Variants in REV3L observed in about 807,000 individuals in gnomAD.
The protein encoded by REV3L is DNA polymerase zeta catalytic subunit.
Under a neutral mutation model 299.4 loss-of-function variants are expected in REV3L, and 69 were observed. The ratio of observed to expected loss-of-function variants is 0.23; its 90% CI spans 0.19 to 0.28. REV3L has a LOEUF of 0.28. Among genes scored for constraint, REV3L ranks in the 10% least tolerant of loss-of-function variants. REV3L has a pLI of 1.00. For synonymous variants in REV3L, 1,238 were observed against 1,271.4 expected (o/e 0.97, Z 0.56); for missense variants, 3,128 against 3,693.8 (o/e 0.85, Z 3.97).
At chr6:111,427,833 C>T (rs536740733) in intron 1 of REV3L, among the ~76,000 whole-genome samples, 108 of 152,052 alleles carry the variant, frequency 7.1e-4, no homozygotes, top group African/African-American at 2.3e-3. Flanking sequence ...GAGAAGAGGT[C>T]GGAGGTGGGA....
At chr6:111,398,727 G>A (rs539961235) in intron 4 of REV3L, among the ~76,000 whole-genome samples, 1 of 152,096 alleles carries the variant, frequency 6.6e-6, no homozygotes, top group East Asian at 1.9e-4. Flanking sequence ...ACTGTAATGT[G>A]CCTGAGATAA....
At chr6:111,428,814 C>T (rs1237139877) in intron 1 of REV3L, among the ~76,000 whole-genome samples, 1 of 151,954 alleles carries the variant, frequency 6.6e-6, no homozygotes, top group East Asian at 1.9e-4. Flanking sequence ...GGGCAAAAAG[C>T]TTATTTCAAG....
intron 1 of REV3L, among the ~76,000 whole-genome samples, chr6:111,433,480 C>T (rs895216495): frequency 6.6e-6 from 1 of 152,052 alleles, no homozygotes; most frequent in Non-Finnish European, 1.5e-5. Context: ...GGATAATTTC[C>T]TGGACACAGC....
At chr6:111,339,871 A>G (rs1776309268) in intron 21 of REV3L, among the ~76,000 whole-genome samples, 1 of 152,166 alleles carries the variant, frequency 6.6e-6, no homozygotes, top group Non-Finnish European at 1.5e-5. Context: ...AAAGGAGAAG[A>G]TTGACTTTTG....
intron 20 of REV3L, 71 bp from the exon 21 acceptor site, chr6:111,344,114 C>G: frequency 1.1e-6 from 1 of 935,392 alleles, no homozygotes; most frequent in Non-Finnish European, 1.6e-6. Flanking sequence ...CTAAAAGATA[C>G]CAATATCACT....
At chr6:111,403,462 G>A (rs925467773) in intron 4 of REV3L, among the ~76,000 whole-genome samples, 9 of 152,166 alleles carry the variant, frequency 5.9e-5, no homozygotes, top group Admixed American at 6.5e-5. Flanking sequence ...AAGAGCATGT[G>A]TTCATTTTGT....
At position 111,305,663 on chromosome 6, in the gene REV3L, C is replaced by G. The variant is rs183934287; in HGVS notation, c.9252+1698G>C. 1.1e-4 allele frequency among the ~76,000 whole-genome samples: 17 copies of G among 151,826 alleles called. No homozygotes were observed. The East Asian group carries it at 2.9e-3, about 26-fold the overall frequency. ...ACCTAATGTTGAAGGAGGATGGGCT[C>G]TGGGTAAATTGATGGCACCAAGTAG... On this transcript the variant is annotated intron_variant, in intron 31 of 31. Coordinates refer to ENST00000368802, the MANE Select transcript of REV3L (RefSeq NM_001372078.1).
In REV3L at chr6:111,374,696, G is replaced by A. The variant is rs3218600; in HGVS notation, c.3659C>T (p.Ser1220Leu). 46,716 of 1,612,640 alleles carry A rather than the reference G, an allele frequency of 0.029. 936 individuals carry two copies. Among genetic ancestry groups the A allele is most frequent in the South Asian group, 0.078 (7,093 of 90,964 alleles). The change falls in exon 13 of 32, where the codon TCG becomes TTG. Residue 1220 changes from serine (S) to leucine (L), a missense_variant. Ser to Leu is a moderately radical substitution (Grantham distance 145). Around this residue, in one of 9 missense-constraint regions of REV3L, gnomAD observed 2,409 missense variants for 2,611.8 expected, o/e 0.92. Coordinates refer to ENST00000368802, the MANE Select transcript of REV3L (RefSeq NM_001372078.1). Reference protein sequence around the residue: ...AKQKTNEKGTSRKHTTLKDEK... With the variant: ...AKQKTNEKGTLRKHTTLKDEK... ...ATCCTTAAGTGTTGTATGCTTTCTC[G>A]ATGTACCTTTCTCATTTGTTTTTTG...
intron 1 of REV3L, among the ~76,000 whole-genome samples, chr6:111,479,526 T>C (rs932315068): frequency 2.6e-5 from 4 of 151,378 alleles, no homozygotes; most frequent in African/African-American, 9.7e-5. Context: ...TTTTTTTTTT[T>C]TAAGACAGGC....
At chr6:111,427,353 T>C (rs1786298413) in intron 1 of REV3L, among the ~76,000 whole-genome samples, 1 of 152,192 alleles carries the variant, frequency 6.6e-6, no homozygotes, top group African/African-American at 2.4e-5. Context: ...AAGGGACTTG[T>C]ATCTAGAACA....
intron 20 of REV3L, among the ~76,000 whole-genome samples, chr6:111,347,996 T>A (rs1338972959): frequency 6.6e-6 from 1 of 152,114 alleles, no homozygotes; most frequent in Non-Finnish European, 1.5e-5. Flanking sequence ...GAGACGGGGT[T>A]TTGCTGTGTT....
chr6:111,333,577 C>T (rs1184531212), intron 22 of REV3L, among the ~76,000 whole-genome samples: 3 of 151,208 alleles, frequency 2.0e-5, no homozygotes, highest in Non-Finnish European at 3.0e-5. Context: ...CAGGTTCAAG[C>T]GATTCTCCTA....
At chr6:111,461,291 G>A (rs951885104) in intron 1 of REV3L, among the ~76,000 whole-genome samples, 6 of 151,884 alleles carry the variant, frequency 4.0e-5, no homozygotes, top group East Asian at 1.9e-4. Context: ...ATGTATTTGC[G>A]TCTTAGTTTT....
chr6:111,300,054 T>C lies in REV3L; in HGVS notation c.9355A>G (p.Lys3119Glu), dbSNP rs1354708759. Residue 3119 changes from lysine (K) to glutamate (E), a missense_variant, in exon 32 of 32, where the codon AAG becomes GAG. Physicochemically the swap from Lys to Glu is moderately conservative, Grantham distance 56 (BLOSUM62 1). Around this residue, in one of 9 missense-constraint regions of REV3L, gnomAD observed 294 missense variants for 377.0 expected, o/e 0.78. Coordinates refer to ENST00000368802, the MANE Select transcript of REV3L (RefSeq NM_001372078.1). ...KLSRVNRELS[K>E]APYLRQLLDQ... is the part of the protein sequence containing the mutation. Reference sequence around the variant, plus strand: ...AATAACTGCCGGAGATATGGTGCCTTGGACAATTCTCTATTTACTCGGGAG... The same window carrying C: ...AATAACTGCCGGAGATATGGTGCCTCGGACAATTCTCTATTTACTCGGGAG... 7 of 1,613,710 alleles carry C rather than the reference T, an allele frequency of 4.3e-6. No homozygotes were observed. Among genetic ancestry groups the C allele is most frequent in the Non-Finnish European group, 5.9e-6 (7 of 1,179,778 alleles).
At chr6:111,434,261 G>A (rs1243195760) in intron 1 of REV3L, among the ~76,000 whole-genome samples, 3 of 152,114 alleles carry the variant, frequency 2.0e-5, no homozygotes, top group Non-Finnish European at 4.4e-5. Flanking sequence ...AGCCTTGCTT[G>A]CAGATGACAT....
At chr6:111,398,066 A>G (rs1255910442) in intron 4 of REV3L, among the ~76,000 whole-genome samples, 3 of 149,090 alleles carry the variant, frequency 2.0e-5, no homozygotes, top group African/African-American at 7.3e-5. Flanking sequence ...CACTCTCAGC[A>G]TTGGACAGAT....
chr6:111,314,301 T>G (rs1773288690), intron 27 of REV3L, among the ~76,000 whole-genome samples: 1 of 152,236 alleles, frequency 6.6e-6, no homozygotes, highest in Non-Finnish European at 1.5e-5. Context: ...GACTTTGACA[T>G]TCTTCCTATT....
chr6:111,462,925 A>C (rs1370201118), intron 1 of REV3L, among the ~76,000 whole-genome samples: 1 of 152,082 alleles, frequency 6.6e-6, no homozygotes, highest in African/African-American at 2.4e-5. Flanking sequence ...GGTTATACTT[A>C]ACATGTCAGG....
At chr6:111,325,000 T>A (rs1271901718) in intron 25 of REV3L, among the ~76,000 whole-genome samples, 1 of 151,456 alleles carries the variant, frequency 6.6e-6, no homozygotes, top group Non-Finnish European at 1.5e-5. Flanking sequence ...TAGCTGGGAC[T>A]ACAGGCACCC....
Sources: gnomAD v4.1 joint callset for allele counts (sites outside exome capture counted in the v4.1 genomes callset) on GRCh38, gnomAD v4.1.1 for gene constraint, gnomAD v4.1.1 regional missense constraint, MANE v1.5 for transcripts, NCBI Gene and HGNC (gene_info 2026-07-23, HGNC 2026-07-21) for gene names.